The following ATP11A variants were observed in gnomAD, a reference collection of about 807,000 sequenced individuals.
The protein encoded by ATP11A is ATPase phospholipid transporting 11A.
In ATP11A, 81 loss-of-function variants were observed where a neutral mutation model predicts 154.4. The ratio of observed to expected loss-of-function variants is 0.52; its 90% CI spans 0.44 to 0.63. The LOEUF (loss-of-function observed/expected upper bound fraction) is 0.63, where lower values mean the gene tolerates loss of function less well. Ranked by LOEUF, ATP11A falls within the 30% of genes least tolerant of loss-of-function variation. The probability of loss-of-function intolerance (pLI) is 0.00; values close to 1 mark genes in which losing one functional copy is unlikely to be tolerated. For missense variants in ATP11A, 1,316 were observed against 1,474.3 expected (o/e 0.89, Z 1.76); for synonymous variants, 623 against 585.9 (o/e 1.06, Z -0.91).
intron 18 of ATP11A, 22 bp downstream of exon 18, chr13:112,851,240 C>T (rs756769548): frequency 8.8e-6 from 14 of 1,598,674 alleles, no homozygotes; most frequent in South Asian, 3.3e-5. Context: ...GCATGCATCC[C>T]GTCCTGAGAG....
At chr13:112,732,890 G>C (rs1247489732) in intron 1 of ATP11A, among the ~76,000 whole-genome samples, 4 of 152,198 alleles carry the variant, frequency 2.6e-5, no homozygotes, top group Admixed American at 2.0e-4. Context: ...TGTGATTACA[G>C]GTGTGAGTCA....
At chr13:112,871,898 T>C (rs1232408583) in intron 26 of ATP11A, 98 bp downstream of exon 26, 2 of 1,311,116 alleles carry the variant, frequency 1.5e-6, no homozygotes, top group Non-Finnish European at 2.2e-6. Context: ...AACTCTGTAC[T>C]GAGGCTGGAA....
Position 112,862,172 on chromosome 13 carries a change from G to A in ATP11A, c.2856-268G>A, listed in dbSNP as rs151186704. Among the ~76,000 whole-genome samples, 220 of 152,382 alleles carry A rather than the reference G, an allele frequency of 1.4e-3. 1 individual carries two copies. The highest frequency in any genetic ancestry group is 5.1e-3 in the African/African-American group (212 of 41,594). On this transcript the variant is annotated intron_variant, in intron 24 of 29. Coordinates refer to ENST00000375645, the MANE Select transcript of ATP11A (RefSeq NM_015205.3). ...GTTGCTTTCAGAAGCAGCAGCATGT[G>A]GCAGCATCTCTGTGCCTATGACGAT...
At chr13:112,790,591 G>T (rs1199506920) in intron 2 of ATP11A, among the ~76,000 whole-genome samples, 4 of 150,102 alleles carry the variant, frequency 2.7e-5, no homozygotes, top group Admixed American at 2.0e-4. Context: ...ATTCACACCG[G>T]GTGTCCTGAT....
Position 112,775,915 on chromosome 13 carries a change from C to T in ATP11A, c.40-9220C>T, listed in dbSNP as rs1483060874. On this transcript the variant is annotated intron_variant, in intron 1 of 29. Transcript: ENST00000375645. ...AGCCAGAGAACAGCAAGTACGCCCCCGTCCCCTTCTCCCCTTGCCAGCCCC... is the reference window on the plus strand; with the variant it reads ...AGCCAGAGAACAGCAAGTACGCCCCTGTCCCCTTCTCCCCTTGCCAGCCCC... 5.3e-5 allele frequency among the ~76,000 whole-genome samples: 8 copies of T among 152,212 alleles called. No homozygotes were observed. In the East Asian group the frequency reaches 7.7e-4, roughly 15 times the overall value.
chr13:112,715,626 C>T lies in ATP11A; in HGVS notation c.39+25171C>T, dbSNP rs1434609442. Reference sequence around the variant, plus strand: ...CCCACCTGGTCACACTGCCCCTCCTCCCCAGAGGGTTGCCCCTCTGTATTT... The same window carrying T: ...CCCACCTGGTCACACTGCCCCTCCTTCCCAGAGGGTTGCCCCTCTGTATTT... On this transcript the variant is annotated intron_variant, in intron 1 of 29. Coordinates refer to ENST00000375645, the MANE Select transcript of ATP11A (RefSeq NM_015205.3). Among the ~76,000 whole-genome samples, 4 of 134,138 alleles carry T rather than the reference C, an allele frequency of 3.0e-5. No individual in the cohort carries two copies. In the East Asian group the frequency reaches 6.9e-4, roughly 23 times the overall value. 88.0% of individuals were successfully genotyped at this position (134,138 alleles called of 152,430 possible).
intron 19 of ATP11A, 89 bp downstream of exon 19, chr13:112,854,619 A>G (rs577911929): frequency 2.7e-6 from 4 of 1,457,944 alleles, no homozygotes; most frequent in Non-Finnish European, 2.8e-6. Flanking sequence ...GGGGAGCCGC[A>G]TTGTCTCTAC....
At chr13:112,873,309 G>A in intron 26 of ATP11A, 1 of 461,076 alleles carries the variant, frequency 2.2e-6, no homozygotes, top group Non-Finnish European at 3.8e-6. Context: ...TTCCTGAACA[G>A]TGTGAGGTGT....
At position 112,816,109 on chromosome 13, in the gene ATP11A, G is replaced by T. The variant is rs1396423158; in HGVS notation, c.468G>T (p.Glu156Asp). The T allele has an allele frequency of 6.2e-7, 1 of 1,614,216 alleles. No homozygotes were observed. Among genetic ancestry groups the T allele is most frequent in the Non-Finnish European group, 8.5e-7 (1 of 1,180,048 alleles). ...LRVGDIVMVK[E>D]DETFPCDLIF... ...TTGGGGACATTGTCATGGTTAAGGAGGACGAGACCTTTCCCTGCGACTTGA... is the reference window on the plus strand; with the variant it reads ...TTGGGGACATTGTCATGGTTAAGGATGACGAGACCTTTCCCTGCGACTTGA... The change falls in exon 6 of 30, where the codon GAG becomes GAT. Residue 156 changes from glutamate to aspartate, a missense_variant. Glu to Asp is a conservative substitution (Grantham distance 45, BLOSUM62 2). This residue lies in a region of ATP11A where 876 missense variants were observed against 1,006.8 expected (regional missense o/e 0.87). Transcript: ENST00000375645.
At chr13:112,872,270 C>T (rs1279420492) in intron 26 of ATP11A, among the ~76,000 whole-genome samples, 1 of 152,176 alleles carries the variant, frequency 6.6e-6, no homozygotes, top group Non-Finnish European at 1.5e-5. Flanking sequence ...CCAAAACATT[C>T]CTAAGGTGAT....
chr13:112,769,786 G>A (rs1226110046), intron 1 of ATP11A, among the ~76,000 whole-genome samples: 2 of 152,192 alleles, frequency 1.3e-5, no homozygotes, highest in African/African-American at 2.4e-5. Context: ...GAGAGGCACC[G>A]TGAAGGCACC....
At chr13:112,779,948 A>G (rs1194623947) in intron 1 of ATP11A, among the ~76,000 whole-genome samples, 1 of 152,084 alleles carries the variant, frequency 6.6e-6, no homozygotes, top group African/African-American at 2.4e-5. Flanking sequence ...CCTCTAAGGT[A>G]GTAAAGAAAA....
intron 10 of ATP11A, among the ~76,000 whole-genome samples, chr13:112,824,853 C>T (rs1418021470): frequency 6.6e-6 from 1 of 152,142 alleles, no homozygotes; most frequent in Admixed American, 6.5e-5. Flanking sequence ...ACAGTAAAGT[C>T]CTGATGATAA....
intron 29 of ATP11A, among the ~76,000 whole-genome samples, chr13:112,879,163 G>A (rs1031366543): frequency 6.6e-6 from 1 of 152,250 alleles, no homozygotes; most frequent in African/African-American, 2.4e-5. Context: ...AATCAGTGAT[G>A]CTTTGAAAAT....
At chr13:112,734,551 GA>G (rs1301133031) in intron 1 of ATP11A, among the ~76,000 whole-genome samples, 1 of 152,116 alleles carries the variant, frequency 6.6e-6, no homozygotes, top group Admixed American at 6.6e-5. Context: ...AGGCTGCCCG[GA>G]GAGTCAAACC....
At position 112,707,369 on chromosome 13, in the gene ATP11A, C is replaced by CGCTCTTCTACT. The variant is rs1214669900; in HGVS notation, c.39+16914_39+16915insGCTCTTCTACT. Among the ~76,000 whole-genome samples the CGCTCTTCTACT allele has an allele frequency of 1.0e-4, 15 of 147,488 alleles. No homozygotes were observed. In the South Asian group the frequency reaches 1.7e-3, roughly 17 times the overall value. ...GACAGAGGTTGCAGTGAGCTAAGAT[C>CGCTCTTCTACT]ACACCATTGCACTCCAGCCTGGGCA... is the stretch of plus-strand genomic sequence containing the variant. On this transcript the variant is annotated intron_variant, in intron 1 of 29. Transcript: ENST00000375645.
At chr13:112,767,864 G>A (rs34310808) in intron 1 of ATP11A, among the ~76,000 whole-genome samples, 15,451 of 152,068 alleles carry the variant, frequency 0.1, 975 homozygotes, top group African/African-American at 0.16. Flanking sequence ...CAGTGCCTGC[G>A]TGCAGACCCC....
chr13:112,746,917 G>A lies in ATP11A; in HGVS notation c.40-38218G>A, dbSNP rs1450063292. 2 of 151,554 alleles carry A rather than the reference G, an allele frequency of 1.3e-5. No homozygotes were observed. Among genetic ancestry groups the A allele is most frequent in the Non-Finnish European group, 2.9e-5 (2 of 67,950 alleles). 9.4% of individuals were successfully genotyped at this position (151,554 alleles called of 1,614,324 possible). On this transcript the variant is annotated intron_variant, in intron 1 of 29. Coordinates refer to ENST00000375645, the MANE Select transcript of ATP11A (RefSeq NM_015205.3). The surrounding 1 kb of genome is among the most constrained non-coding windows in gnomAD (Gnocchi z 4.1). Reference sequence around the variant, plus strand: ...CTTATTAGACCTTCTTGCTACAAATGTCTATTGAGGTTCTTTGCCTATTTT... The same window carrying A: ...CTTATTAGACCTTCTTGCTACAAATATCTATTGAGGTTCTTTGCCTATTTT...
At position 112,824,873 on chromosome 13, in the gene ATP11A, G is replaced by A. The variant is rs983926688; in HGVS notation, c.872+448G>A. Among the ~76,000 whole-genome samples, 3 of 152,208 alleles carry A rather than the reference G, an allele frequency of 2.0e-5. No homozygotes were observed. The East Asian group carries it at 5.8e-4, about 29-fold the overall frequency. On this transcript the variant is annotated intron_variant, in intron 10 of 29. Coordinates refer to ENST00000375645, the MANE Select transcript of ATP11A (RefSeq NM_015205.3). ...AAAGTCCTGATGATAAATATGTCAGGATGGTAGCTGAATTTGTGCTGGAAA... is the reference window on the plus strand; with the variant it reads ...AAAGTCCTGATGATAAATATGTCAGAATGGTAGCTGAATTTGTGCTGGAAA...
Sources: allele counts gnomAD v4.1 joint callset (sites outside exome capture counted in the v4.1 genomes callset), GRCh38; gene constraint gnomAD v4.1.1; regional missense constraint gnomAD v4.1.1; non-coding constraint Gnocchi (gnomAD v3.1); transcripts MANE v1.5; gene names NCBI Gene and HGNC (gene_info 2026-07-23, HGNC 2026-07-21).